Variants in RORA observed in about 807,000 individuals in gnomAD.
RORA encodes the protein RAR related orphan receptor A.
In RORA, 7 loss-of-function variants were observed where a neutral mutation model predicts 69.5. That is an observed-to-expected ratio of 0.10 (90% CI 0.06 to 0.19). The LOEUF (loss-of-function observed/expected upper bound fraction) is 0.19. Ranked by LOEUF, RORA falls within the 10% of genes least tolerant of loss-of-function variation. RORA has a pLI of 1.00. For missense variants in RORA, 457 were observed against 663.0 expected, an observed-to-expected ratio of 0.69 and a Z score of 3.41; for synonymous variants, 261 against 240.8, an observed-to-expected ratio of 1.08 and a Z score of -0.78.
chr15:61,124,963 C>T (rs1039113220), intron 1 of RORA, among the ~76,000 whole-genome samples: 1 of 152,200 alleles, frequency 6.6e-6, no homozygotes, highest in Admixed American at 6.5e-5. Context: ...CCTTATACAA[C>T]CCATTCTTAT....
intron 1 of RORA, among the ~76,000 whole-genome samples, chr15:60,839,324 T>A (rs189091043): frequency 6.6e-6 from 1 of 152,360 alleles, no homozygotes; most frequent in East Asian, 1.9e-4. Flanking sequence ...ATGATAATAA[T>A]TGAAATTACA....
At chr15:60,573,094 G>A (rs1297198515) in intron 2 of RORA, among the ~76,000 whole-genome samples, 8 of 152,174 alleles carry the variant, frequency 5.3e-5, no homozygotes, top group Admixed American at 5.2e-4. Flanking sequence ...GCATTCGCTT[G>A]TAGCACCAAC....
At chr15:60,594,036 T>G (rs1019142664) in intron 2 of RORA, among the ~76,000 whole-genome samples, 11 of 152,158 alleles carry the variant, frequency 7.2e-5, no homozygotes, top group African/African-American at 2.7e-4. Flanking sequence ...AGCCATGGCT[T>G]TATAAAAGTT....
At chr15:60,748,624 T>C (rs749396787) in intron 1 of RORA, among the ~76,000 whole-genome samples, 10 of 152,236 alleles carry the variant, frequency 6.6e-5, no homozygotes, top group Non-Finnish European at 1.5e-4. Context: ...GTTCAGTAAC[T>C]GAGTCCTTGT....
rs902085009 is a variant in RORA, at chr15:60,610,198, T to A, written c.196+68459A>T. Among the ~76,000 whole-genome samples, 120 of 148,480 alleles carry A rather than the reference T, an allele frequency of 8.1e-4. 1 individual carries two copies. The highest frequency in any genetic ancestry group is 1.0e-4 in the Non-Finnish European group (7 of 67,004). On this transcript the variant is annotated intron_variant, in intron 2 of 10. Transcript: ENST00000335670. ...CAATCATTCTAAAGTGTCGTGTAAG[T>A]CACACACACACACACACACACACAC...
At chr15:60,808,304 T>C (rs1426082845) in intron 1 of RORA, among the ~76,000 whole-genome samples, 3 of 151,984 alleles carry the variant, frequency 2.0e-5, no homozygotes, top group African/African-American at 7.3e-5. Flanking sequence ...AACAAGCATA[T>C]GGAAAAATGC....
At chr15:60,841,930 G>A (rs997553796) in intron 1 of RORA, among the ~76,000 whole-genome samples, 1 of 152,144 alleles carries the variant, frequency 6.6e-6, no homozygotes, top group Non-Finnish European at 1.5e-5. Context: ...TGGGACCTGG[G>A]TCCAGTGATC....
At chr15:60,731,835 T>G (rs1172328392) in intron 1 of RORA, among the ~76,000 whole-genome samples, 1 of 152,250 alleles carries the variant, frequency 6.6e-6, no homozygotes, top group African/African-American at 2.4e-5. Context: ...AGTTTGAATT[T>G]CACAAGTAGA....
At chr15:60,558,358 T>A in intron 2 of RORA, 1 of 1,217,794 alleles carries the variant, frequency 8.2e-7, no homozygotes, top group Non-Finnish European at 1.2e-6. Flanking sequence ...GGGCATTAAT[T>A]AGTTGGCCAC....
intron 1 of RORA, among the ~76,000 whole-genome samples, chr15:61,032,093 G>C (rs1377207508): frequency 6.6e-6 from 1 of 152,176 alleles, no homozygotes; most frequent in African/African-American, 2.4e-5. Context: ...GTCAAATTCA[G>C]CACATGCTCT....
intron 2 of RORA, among the ~76,000 whole-genome samples, chr15:60,598,687 TG>T (rs1282867416): frequency 6.6e-6 from 1 of 152,232 alleles, no homozygotes; most frequent in East Asian, 1.9e-4. Flanking sequence ...AGTTAAGTTA[TG>T]GGGGATTCAA....
intron 1 of RORA, among the ~76,000 whole-genome samples, chr15:61,134,149 T>C (rs2079215886): frequency 6.6e-6 from 1 of 152,242 alleles, no homozygotes; most frequent in Non-Finnish European, 1.5e-5. Flanking sequence ...TAGCCATTTA[T>C]GGCTCAATGA....
intron 1 of RORA, among the ~76,000 whole-genome samples, chr15:60,987,839 G>A (rs1230172182): frequency 1.3e-5 from 2 of 152,158 alleles, no homozygotes; most frequent in African/African-American, 4.8e-5. Context: ...CAGATTTATT[G>A]GTTGCATGTC....
At chr15:61,194,530 T>C (rs1596063565) in intron 1 of RORA, among the ~76,000 whole-genome samples, 1 of 124,786 alleles carries the variant, frequency 8.0e-6, no homozygotes. Context: ...GCCACTGCAC[T>C]CCAGCCTAGG....
At chr15:60,806,061 A>G (rs1225130576) in intron 1 of RORA, among the ~76,000 whole-genome samples, 1 of 152,196 alleles carries the variant, frequency 6.6e-6, no homozygotes, top group Non-Finnish European at 1.5e-5. Flanking sequence ...TTGCTTGGCC[A>G]ATCTGACTGC....
chr15:61,013,772 G>C (rs933845297), intron 1 of RORA, among the ~76,000 whole-genome samples: 7 of 140,104 alleles, frequency 5.0e-5, no homozygotes, highest in Admixed American at 1.5e-4. Flanking sequence ...GCCAAGAACT[G>C]GGTTGGCTTT....
At chr15:61,129,222 G>T (rs2079168484) in intron 1 of RORA, among the ~76,000 whole-genome samples, 1 of 151,968 alleles carries the variant, frequency 6.6e-6, no homozygotes, top group South Asian at 2.1e-4. Flanking sequence ...ATTTCAAAAG[G>T]CTAAAAAATT....
At chr15:60,535,670 G>A (rs2066652640) in intron 2 of RORA, among the ~76,000 whole-genome samples, 1 of 152,102 alleles carries the variant, frequency 6.6e-6, no homozygotes, top group South Asian at 2.1e-4. Context: ...ATGGTCCAGA[G>A]AACAATGCCC....
At chr15:60,512,359 C>G (rs1021866415) in intron 4 of RORA, among the ~76,000 whole-genome samples, 1 of 152,178 alleles carries the variant, frequency 6.6e-6, no homozygotes. Context: ...GAACATGGCT[C>G]ACTGCAGCCT....
Sources: allele counts gnomAD v4.1 joint callset (sites outside exome capture counted in the v4.1 genomes callset), GRCh38; gene constraint gnomAD v4.1.1; transcripts MANE v1.5; gene names NCBI Gene and HGNC (gene_info 2026-07-23, HGNC 2026-07-21).